Variants in NCOA6 observed in about 807,000 individuals in gnomAD.
NCOA6 encodes the protein nuclear receptor coactivator 6.
Under a neutral mutation model 171.4 loss-of-function variants are expected in NCOA6, and 49 were observed. The ratio of observed to expected loss-of-function variants is 0.29; its 90% CI spans 0.23 to 0.36. The LOEUF is 0.36. Ranked by LOEUF, NCOA6 falls within the 10% of genes least tolerant of loss-of-function variation. NCOA6 has a pLI of 1.00. For missense variants in NCOA6, 2,248 were observed against 2,554.5 expected (o/e 0.88, Z 2.59); for synonymous variants, 910 against 927.5 (o/e 0.98, Z 0.34).
At chr20:34,786,619 G>C (rs560137343) in intron 2 of NCOA6, among the ~76,000 whole-genome samples, 1 of 152,156 alleles carries the variant, frequency 6.6e-6, no homozygotes, top group East Asian at 1.9e-4. Context: ...AGTCATTCAC[G>C]AGCAGGTTGT....
intron 13 of NCOA6, among the ~76,000 whole-genome samples, chr20:34,731,365 T>C (rs1049599837): frequency 6.6e-6 from 1 of 152,230 alleles, no homozygotes; most frequent in African/African-American, 2.4e-5. Flanking sequence ...TCTGTTGCAA[T>C]ACATAGGTTA....
chr20:34,747,159 T>G (rs960224895), intron 9 of NCOA6, among the ~76,000 whole-genome samples: 2 of 152,208 alleles, frequency 1.3e-5, no homozygotes, highest in Non-Finnish European at 2.9e-5. Flanking sequence ...TTACTCAGAA[T>G]GCTTTCCACA....
chr20:34,743,145 G>A lies in NCOA6; in HGVS notation c.3111C>T (p.Leu1037=), dbSNP rs1848701946. The A allele has an allele frequency of 6.2e-7, 1 of 1,613,940 alleles. No individual in the cohort carries two copies. Among genetic ancestry groups the A allele is most frequent in the Non-Finnish European group, 8.5e-7 (1 of 1,179,962 alleles). ...CTGATTTGGGATCCTGCTGCATCAT[G>A]AGCATCATCATCATTTGTTGCTGCT... The part of the protein sequence containing the change: ...QQQQQQMMMM[L]MMQQDPKSVR... Residue 1037 remains leucine (L), a synonymous_variant, in exon 11 of 15, where the codon CTC becomes CTT. Coordinates refer to ENST00000359003, the MANE Select transcript of NCOA6 (RefSeq NM_014071.5).
intron 14 of NCOA6, among the ~76,000 whole-genome samples, chr20:34,716,381 T>C (rs1322630930): frequency 6.6e-6 from 1 of 152,214 alleles, no homozygotes; most frequent in African/African-American, 2.4e-5. Flanking sequence ...GAAATGACTA[T>C]GTTTTGATTC....
At position 34,757,694 on chromosome 20, in the gene NCOA6, G is replaced by A. The variant is rs367992263; in HGVS notation, c.1054C>T (p.Pro352Ser). Residue 352 changes from proline to serine, a missense_variant, in exon 7 of 15, where the codon CCA becomes TCA. Coordinates refer to ENST00000359003, the MANE Select transcript of NCOA6 (RefSeq NM_014071.5). ...QGWKKAPLPGPMQQQLQARPS... is the reference protein window; with the variant it reads ...QGWKKAPLPGSMQQQLQARPS... ...CTTGCCTGGAGTTGCTGTTGCATTGGGCCGGGCAAGGGAGCCTTCTTCCAC... is the reference window on the plus strand; with the variant it reads ...CTTGCCTGGAGTTGCTGTTGCATTGAGCCGGGCAAGGGAGCCTTCTTCCAC... 11 of 1,614,150 alleles carry A rather than the reference G, an allele frequency of 6.8e-6. No homozygotes were observed. In the Admixed American group the frequency reaches 1.0e-4, roughly 15 times the overall value.
At chr20:34,755,010 A>C in intron 7 of NCOA6, 142 bp from the exon 8 acceptor site, 1 of 762,622 alleles carries the variant, frequency 1.3e-6, no homozygotes, top group Non-Finnish European at 2.0e-6. Context: ...CTTTAATAAT[A>C]AGGTTGGGAA....
chr20:34,812,251 T>C (rs1414817553), intron 1 of NCOA6, among the ~76,000 whole-genome samples: 1 of 138,930 alleles, frequency 7.2e-6, no homozygotes, highest in Non-Finnish European at 1.6e-5. Flanking sequence ...GACTCTGTCT[T>C]AAAAAAAAAA....
chr20:34,801,639 A>G (rs542598051), intron 1 of NCOA6, among the ~76,000 whole-genome samples: 1 of 152,178 alleles, frequency 6.6e-6, no homozygotes, highest in Non-Finnish European at 1.5e-5. Flanking sequence ...TTAACCATGA[A>G]AAAATCCAAA....
intron 1 of NCOA6, among the ~76,000 whole-genome samples, chr20:34,823,718 G>A (rs145961610): frequency 6.7e-6 from 1 of 148,962 alleles, no homozygotes; most frequent in Non-Finnish European, 1.5e-5. Flanking sequence ...TTTTTCTTTA[G>A]ACAGTGTCTT....
chr20:34,741,164 C>G lies in NCOA6; in HGVS notation c.5092G>C (p.Gly1698Arg). The G allele has an allele frequency of 6.2e-7, 1 of 1,614,172 alleles. No homozygotes were observed. The highest frequency in any genetic ancestry group is 1.7e-5 in the Admixed American group (1 of 60,022). The change falls in exon 11 of 15, where the codon GGC becomes CGC. Residue 1698 changes from glycine (G) to arginine (R), a missense_variant. Physicochemically the swap from Gly to Arg is moderately radical, Grantham distance 125. Coordinates refer to ENST00000359003, the MANE Select transcript of NCOA6 (RefSeq NM_014071.5). ...ATGTTCTGAGGTATGTGTAAAGGGC[C>G]AACAACTGCAACAGAGGGAGGCATC... ...GLMPPSVAVV[G>R]PLHIPQNIKF...
At chr20:34,812,174 ACC>A (rs377364918) in intron 1 of NCOA6, among the ~76,000 whole-genome samples, 22 of 152,048 alleles carry the variant, frequency 1.4e-4, no homozygotes, top group African/African-American at 5.3e-4. Flanking sequence ...AATCTCTTGA[ACC>A]AGGGAGGAAG....
intron 13 of NCOA6, among the ~76,000 whole-genome samples, chr20:34,729,778 C>T (rs1269397381): frequency 6.6e-6 from 1 of 152,154 alleles, no homozygotes; most frequent in Admixed American, 6.5e-5. Context: ...ACCTGACTGT[C>T]AACTATCCCT....
chr20:34,800,280 A>G (rs567582426), intron 1 of NCOA6, among the ~76,000 whole-genome samples: 2 of 152,276 alleles, frequency 1.3e-5, no homozygotes, highest in African/African-American at 4.8e-5. Flanking sequence ...CACCTTCACT[A>G]AAAGAAAGAC....
chr20:34,742,518 G>A lies in NCOA6; in HGVS notation c.3738C>T (p.Ala1246=). 1 of 1,614,186 alleles carries A rather than the reference G, an allele frequency of 6.2e-7. No homozygotes were observed. The highest frequency in any genetic ancestry group is 8.5e-7 in the Non-Finnish European group (1 of 1,180,028). ...GTGGAGGGAAGAGTCCTGCTATGGA[G>A]GCATTGAGTCTTTCTGGTGACAGAC... is the stretch of plus-strand genomic sequence containing the variant. ...EISLSPERLN[A]SIAGLFPPQI... The change falls in exon 11 of 15, where the codon GCC becomes GCT. Residue 1246 remains alanine, a synonymous_variant. Transcript: ENST00000359003.
intron 8 of NCOA6, among the ~76,000 whole-genome samples, chr20:34,751,323 T>C (rs1289645068): frequency 7.5e-6 from 1 of 133,608 alleles, no homozygotes; most frequent in African/African-American, 2.9e-5. Flanking sequence ...TGAGCCGAGA[T>C]TGCGCCACTG....
intron 4 of NCOA6, among the ~76,000 whole-genome samples, chr20:34,769,579 G>C (rs1232291993): frequency 6.6e-6 from 1 of 152,066 alleles, no homozygotes; most frequent in Non-Finnish European, 1.5e-5. Flanking sequence ...GGCCAGGCTG[G>C]TCTCGAACTC....
intron 1 of NCOA6, chr20:34,809,513 C>T (rs1019896077): frequency 1.1e-4 from 42 of 398,426 alleles, no homozygotes; most frequent in Admixed American, 7.5e-4. Flanking sequence ...CTCTCCATTC[C>T]TCCCAGGACC....
At chr20:34,772,769 C>G (rs1338070417) in intron 4 of NCOA6, among the ~76,000 whole-genome samples, 1 of 152,068 alleles carries the variant, frequency 6.6e-6, no homozygotes, top group Non-Finnish European at 1.5e-5. Flanking sequence ...GGGGGATGCA[C>G]GTCAGGAAGG....
At position 34,750,409 on chromosome 20, in the gene NCOA6, C is replaced by T; in HGVS notation, c.1786G>A (p.Ala596Thr). 1 of 1,614,036 alleles carries T rather than the reference C, an allele frequency of 6.2e-7. No individual in the cohort carries two copies. The highest frequency in any genetic ancestry group is 8.5e-7 in the Non-Finnish European group (1 of 1,180,004). ...GIHGNMNNQQ[A>T]GTSGVPQVNL... ...ACTTGAGGAACCCCAGAAGTACCAG[C>T]CTGCTGATTGTTCATGTTGCCATGA... The change falls in exon 9 of 15, where the codon GCT (alanine) becomes ACT (threonine). Residue 596 changes from alanine (A) to threonine (T), a missense_variant. Coordinates refer to ENST00000359003, the MANE Select transcript of NCOA6 (RefSeq NM_014071.5).
Sources: gnomAD v4.1 joint callset for allele counts (sites outside exome capture counted in the v4.1 genomes callset) on GRCh38, gnomAD v4.1.1 for gene constraint, MANE v1.5 for transcripts, NCBI Gene and HGNC (gene_info 2026-07-23, HGNC 2026-07-21) for gene names.